Variants in ZFHX3 observed in about 807,000 individuals in gnomAD.
ZFHX3 encodes zinc finger homeobox protein 3.
Under a neutral mutation model 279.1 loss-of-function variants are expected in ZFHX3, and 42 were observed. The observed-to-expected ratio is 0.15, with a 90% confidence interval of 0.12 to 0.19. ZFHX3 has a LOEUF of 0.19. ZFHX3 is among the 10% of genes least tolerant of loss of function. ZFHX3 has a pLI of 1.00. For synonymous variants in ZFHX3, 2,293 were observed against 1,957.8 expected, an observed-to-expected ratio of 1.17 and a Z score of -4.52; for missense variants, 4,981 against 4,754.0, an observed-to-expected ratio of 1.05 and a Z score of -1.40.
chr16:72,786,344 G>A lies in ZFHX3; in HGVS notation c.*820C>T, dbSNP rs544744900. The stretch of plus-strand genomic sequence containing the variant: ...AATGGTCATATCTATCATAAATACA[G>A]AAAGTCAGTTTTTAAAACTTATTTT... On this transcript the variant is annotated 3_prime_UTR_variant, in exon 10 of 10. Coordinates refer to ENST00000268489, the MANE Select transcript of ZFHX3 (RefSeq NM_006885.4). 1 of 148,528 alleles carries A rather than the reference G, an allele frequency of 6.7e-6. No individual in the cohort carries two copies. Among genetic ancestry groups the A allele is most frequent in the South Asian group, 2.1e-4 (1 of 4,694 alleles). The allele number at this position is 148,528 out of a possible 1,614,324, so 9.2% of individuals were successfully genotyped here. A position where few individuals can be genotyped will look rare whatever the true frequency, so the allele number is the denominator to read the frequency against.
At chr16:73,022,557 A>T (rs1290743916) in intron 1 of ZFHX3, among the ~76,000 whole-genome samples, 3 of 152,134 alleles carry the variant, frequency 2.0e-5, no homozygotes, top group Non-Finnish European at 4.4e-5. Flanking sequence ...TCCTCTCCCC[A>T]AAGTGTGACA....
chr16:73,336,736 C>G (rs1003512841), intron 3 of ZFHX3, among the ~76,000 whole-genome samples: 2 of 152,116 alleles, frequency 1.3e-5, no homozygotes, highest in Non-Finnish European at 2.9e-5. Flanking sequence ...ATTGAAGCCT[C>G]TTAACAATTC....
chr16:73,081,065 C>T (rs1273782755), intron 8 of ZFHX3, among the ~76,000 whole-genome samples: 2 of 152,174 alleles, frequency 1.3e-5, no homozygotes, highest in African/African-American at 4.8e-5. Flanking sequence ...TTGCCTTGGT[C>T]TATCAAAAAT....
At chr16:73,630,833 G>A (rs2052461537) in intron 2 of ZFHX3, among the ~76,000 whole-genome samples, 1 of 152,200 alleles carries the variant, frequency 6.6e-6, no homozygotes, top group Non-Finnish European at 1.5e-5. Context: ...ATTTAAATAT[G>A]TTTTTGACAA....
intron 2 of ZFHX3, among the ~76,000 whole-genome samples, chr16:73,639,871 A>G (rs930566576): frequency 6.6e-6 from 1 of 152,224 alleles, no homozygotes; most frequent in African/African-American, 2.4e-5. Flanking sequence ...AAAAGCCATG[A>G]TAAGAGTATT....
At position 72,958,864 on chromosome 16, in the gene ZFHX3, T is replaced by G. The variant is rs16971436; in HGVS notation, c.1282A>C (p.Thr428Pro). ...GAGTCCTTGCCCTCTGAGGATTTGG[T>G]AGGACTGGAAGCCAGAGGCCCCAGG... ...VPLGPLASSP[T>P]KSSEGKDSGA... Residue 428 changes from threonine to proline, a missense_variant, in exon 2 of 10, where the codon ACC becomes CCC. This residue lies in a region of ZFHX3 where 1,068 missense variants were observed against 935.2 expected (regional missense o/e 1.14). Coordinates refer to ENST00000268489, the MANE Select transcript of ZFHX3 (RefSeq NM_006885.4). The G allele has an allele frequency of 0.031, 49,416 of 1,613,332 alleles. 3,457 individuals carry two copies. The highest frequency in any genetic ancestry group is 0.26 in the Admixed American group (15,735 of 59,974).
At chr16:73,539,418 T>C (rs1310907650) in intron 2 of ZFHX3, among the ~76,000 whole-genome samples, 1 of 147,946 alleles carries the variant, frequency 6.8e-6, no homozygotes, top group African/African-American at 2.5e-5. Flanking sequence ...TAAATTTTTT[T>C]CCCTTCCTCT....
rs554631727 is a variant in ZFHX3, at chr16:72,967,851, C to T, written c.-49-7657G>A. Among the ~76,000 whole-genome samples the T allele has an allele frequency of 2.0e-5, 3 of 151,558 alleles. No homozygotes were observed. The East Asian group carries it at 5.8e-4, about 29-fold the overall frequency. On this transcript the variant is annotated intron_variant, in intron 1 of 9. Transcript: ENST00000268489. ...GCTGAGGCAGGAGAATGGCGTGAACCCGGGAGACACAACTTGCAGTGAGCC... is the reference window on the plus strand; with the variant it reads ...GCTGAGGCAGGAGAATGGCGTGAACTCGGGAGACACAACTTGCAGTGAGCC...
chr16:73,445,154 T>C (rs941767281), intron 3 of ZFHX3, among the ~76,000 whole-genome samples: 1 of 151,818 alleles, frequency 6.6e-6, no homozygotes, highest in Non-Finnish European at 1.5e-5. Context: ...AAAAAATCTT[T>C]TCATATACAA....
intron 4 of ZFHX3, among the ~76,000 whole-genome samples, chr16:73,277,383 A>T (rs538672175): frequency 1.6e-4 from 24 of 152,362 alleles, no homozygotes; most frequent in African/African-American, 5.8e-4. Context: ...GGCCCAGAGC[A>T]GGGCCAGGCT....
chr16:73,603,500 C>T (rs62042980), intron 2 of ZFHX3, among the ~76,000 whole-genome samples: 82,783 of 151,252 alleles, frequency 0.55, 25,919 homozygotes, highest in East Asian at 0.81. Context: ...GTTGGTGAGA[C>T]GTGCTCCCAT....
chr16:72,797,083 G>A lies in ZFHX3; in HGVS notation c.5599C>T (p.Leu1867Phe), dbSNP rs2143444705. 2 of 1,613,996 alleles carry A rather than the reference G, an allele frequency of 1.2e-6. No individual in the cohort carries two copies. The highest frequency in any genetic ancestry group is 1.7e-6 in the Non-Finnish European group (2 of 1,180,024). Reference protein sequence around the residue: ...QLSIAQSHSALLQPSQHPEKK... With the variant: ...QLSIAQSHSAFLQPSQHPEKK... ...TCGGGGTGCTGGCTTGGCTGAAGGA[G>A]GGCAGAGTGACTCTGGGCTATAGAG... Residue 1867 changes from leucine (L) to phenylalanine (F), a missense_variant, in exon 9 of 10, where the codon CTC (leucine) becomes TTC (phenylalanine). Physicochemically the swap from Leu to Phe is conservative, Grantham distance 22 (BLOSUM62 0). Around this residue, in one of 7 missense-constraint regions of ZFHX3, gnomAD observed 1,751 missense variants for 1,770.0 expected, o/e 0.99. Transcript: ENST00000268489.
intron 2 of ZFHX3, among the ~76,000 whole-genome samples, chr16:73,668,082 G>A (rs1308005918): frequency 6.6e-6 from 1 of 152,104 alleles, no homozygotes; most frequent in East Asian, 1.9e-4. Flanking sequence ...CCTCTACGAA[G>A]CTTGCCAAGA....
At chr16:73,025,397 G>A (rs992892281) in intron 1 of ZFHX3, among the ~76,000 whole-genome samples, 5 of 152,176 alleles carry the variant, frequency 3.3e-5, no homozygotes, top group Non-Finnish European at 5.9e-5. Flanking sequence ...TTGATGTCAA[G>A]TGTCAGCAAG....
At chr16:73,551,281 T>C (rs1409323444) in intron 2 of ZFHX3, among the ~76,000 whole-genome samples, 1 of 152,100 alleles carries the variant, frequency 6.6e-6, no homozygotes, top group Non-Finnish European at 1.5e-5. Flanking sequence ...AAAAACTCAG[T>C]TCAACAGAAA....
At chr16:73,396,725 C>T (rs1453532790) in intron 3 of ZFHX3, among the ~76,000 whole-genome samples, 2 of 152,184 alleles carry the variant, frequency 1.3e-5, no homozygotes, top group African/African-American at 4.8e-5. Flanking sequence ...GAAACCACCA[C>T]CATGATCCAA....
At chr16:73,361,150 A>G (rs866074156) in intron 3 of ZFHX3, among the ~76,000 whole-genome samples, 67 of 152,328 alleles carry the variant, frequency 4.4e-4, no homozygotes, top group African/African-American at 1.5e-3. Context: ...TGGAATAACT[A>G]AAGGACTCCG....
chr16:73,055,407 G>A (rs972513574), intron 1 of ZFHX3, among the ~76,000 whole-genome samples: 1 of 152,096 alleles, frequency 6.6e-6, no homozygotes, highest in Non-Finnish European at 1.5e-5. Flanking sequence ...TACAATGGCA[G>A]GAGGAGCCTA....
At chr16:73,700,594 G>T (rs2053237549) in intron 1 of ZFHX3, among the ~76,000 whole-genome samples, 1 of 152,100 alleles carries the variant, frequency 6.6e-6, no homozygotes, top group Admixed American at 6.5e-5. Context: ...CAATAGATTA[G>T]GTGTTTAGTG....
Sources: allele counts gnomAD v4.1 joint callset (sites outside exome capture counted in the v4.1 genomes callset), GRCh38; gene constraint gnomAD v4.1.1; regional missense constraint gnomAD v4.1.1; transcripts MANE v1.5; gene names NCBI Gene and HGNC (gene_info 2026-07-23, HGNC 2026-07-21).